The following PHEX variants were observed in gnomAD, a reference collection of about 807,000 sequenced individuals.
PHEX encodes the protein phosphate-regulating neutral endopeptidase PHEX.
In PHEX, 16 loss-of-function variants were observed where a neutral mutation model predicts 68.0. That is an observed-to-expected ratio of 0.24 (90% CI 0.16 to 0.36). PHEX has a LOEUF of 0.36. Ranked by LOEUF, PHEX falls within the 10% of genes least tolerant of loss-of-function variation. PHEX has a pLI of 1.00. For synonymous variants in PHEX, 208 were observed against 205.1 expected (o/e 1.01, Z -0.12); for missense variants, 480 against 575.5 (o/e 0.83, Z 1.70).
At chrX:22,119,234 C>A (rs958870288) in intron 11 of PHEX, among the ~76,000 whole-genome samples, 4 of 112,227 alleles carry the variant, frequency 3.6e-5, no homozygotes, top group African/African-American at 1.3e-4. Flanking sequence ...ACCTCCCTTT[C>A]TTCCCCCATT....
chrX:22,077,281 T>G (rs1436932939), intron 4 of PHEX, among the ~76,000 whole-genome samples, 195 bp from the exon 5 acceptor site: 2 of 111,579 alleles, frequency 1.8e-5, no homozygotes, highest in East Asian at 5.7e-4. Context: ...GACAGTCACA[T>G]TGAAGCGTGG....
intron 20 of PHEX, among the ~76,000 whole-genome samples, chrX:22,239,704 A>T (rs1244561843): frequency 1.8e-5 from 2 of 111,332 alleles, no homozygotes; most frequent in African/African-American, 6.5e-5. Flanking sequence ...AAGAGTTAAA[A>T]GAAATGAACA....
intron 2 of PHEX, among the ~76,000 whole-genome samples, chrX:22,045,158 A>C (rs1181631155): frequency 9.0e-6 from 1 of 111,425 alleles, no homozygotes; most frequent in Non-Finnish European, 1.9e-5. Flanking sequence ...TTTTGTAGAA[A>C]GTCTAGGCTG....
intron 3 of PHEX, among the ~76,000 whole-genome samples, chrX:22,057,378 C>A (rs893073413): frequency 1.9e-4 from 21 of 111,080 alleles, no homozygotes; most frequent in South Asian, 3.9e-4. Flanking sequence ...TCAAGGTGGG[C>A]AGATCACTTG....
At chrX:22,131,169 A>C (rs1448984459) in intron 11 of PHEX, among the ~76,000 whole-genome samples, 2 of 109,888 alleles carry the variant, frequency 1.8e-5, no homozygotes, top group African/African-American at 6.6e-5. Flanking sequence ...CCTCCTGAGT[A>C]GCTGGGATTA....
chrX:22,230,340 A>G (rs1429874953), intron 20 of PHEX, among the ~76,000 whole-genome samples: 1 of 101,317 alleles, frequency 9.9e-6, no homozygotes. Context: ...GGGGATAGCA[A>G]TGAATCTCTC....
At chrX:22,236,455 A>G (rs1935983456) in intron 20 of PHEX, among the ~76,000 whole-genome samples, 1 of 112,941 alleles carries the variant, frequency 8.9e-6, no homozygotes, top group South Asian at 3.6e-4. Context: ...TTTTAGATCA[A>G]TTGCTTGAAA....
At chrX:22,228,324 G>A (rs1246314294) in intron 20 of PHEX, among the ~76,000 whole-genome samples, 2 of 111,498 alleles carry the variant, frequency 1.8e-5, no homozygotes, top group Non-Finnish European at 3.8e-5. Flanking sequence ...TGGCCTCACC[G>A]TGGGCAAATG....
chrX:22,118,724 T>G (rs1481769985), intron 11 of PHEX, among the ~76,000 whole-genome samples: 1 of 111,070 alleles, frequency 9.0e-6, no homozygotes, highest in Non-Finnish European at 1.9e-5. Flanking sequence ...CTATCAGTGT[T>G]CTCCTCCTTT....
At chrX:22,218,306 T>A (rs1005113128) in intron 16 of PHEX, among the ~76,000 whole-genome samples, 13 of 111,193 alleles carry the variant, frequency 1.2e-4, no homozygotes, top group African/African-American at 4.3e-4. Context: ...TCATAGCAAG[T>A]CCCAAGGCCA....
chrX:22,230,450 C>T (rs942908973), intron 20 of PHEX, among the ~76,000 whole-genome samples: 50 of 88,244 alleles, frequency 5.7e-4, no homozygotes, highest in African/African-American at 2.1e-3. Context: ...TCTCTTATTT[C>T]CTTGAGCAGT....
chrX:22,184,909 A>T (rs1230179718), intron 14 of PHEX, among the ~76,000 whole-genome samples: 1 of 112,401 alleles, frequency 8.9e-6, no homozygotes, highest in Non-Finnish European at 1.9e-5. Flanking sequence ...GAGTGATATA[A>T]TCTGCAGGAT....
At chrX:22,109,377 ATTT>A (rs1817075401) in intron 9 of PHEX, among the ~76,000 whole-genome samples, 1 of 112,359 alleles carries the variant, frequency 8.9e-6, no homozygotes, top group Admixed American at 9.4e-5. Context: ...ACTTTTGAAG[ATTT>A]TAAATTTCAT....
rs148683498 is a variant in PHEX at position 22,054,319 on chromosome X, G to A, written c.349+7108G>A. Among the ~76,000 whole-genome samples, 508 of 110,885 alleles carry A rather than the reference G, an allele frequency of 4.6e-3. 2 individuals carry two copies. The highest frequency in any genetic ancestry group is 0.016 in the African/African-American group (475 of 30,475). On this transcript the variant is annotated intron_variant, in intron 3 of 21. Coordinates refer to ENST00000379374, the MANE Select transcript of PHEX (RefSeq NM_000444.6). ...CCAGCTAATTTTTGTATTTTTAGTA[G>A]AGACAGAGTTTCCTCATGTCGGCCA...
At chrX:22,176,289 A>G (rs1289232595) in intron 13 of PHEX, among the ~76,000 whole-genome samples, 1 of 106,393 alleles carries the variant, frequency 9.4e-6, no homozygotes, top group Admixed American at 1.0e-4. Context: ...CGGGAGGCTG[A>G]GGCACAAGAA....
chrX:22,182,188 G>T (rs1046753569), intron 14 of PHEX, among the ~76,000 whole-genome samples: 3 of 111,919 alleles, frequency 2.7e-5, no homozygotes, highest in Admixed American at 9.5e-5. Flanking sequence ...TCCCCATTCA[G>T]TGTGATACTA....
chrX:22,173,281 CTG>C (rs1933599908), intron 13 of PHEX, among the ~76,000 whole-genome samples: 2 of 111,440 alleles, frequency 1.8e-5, no homozygotes, highest in Admixed American at 9.5e-5. Flanking sequence ...AGCCAGGCCT[CTG>C]TAACTCTCTC....
intron 6 of PHEX, among the ~76,000 whole-genome samples, chrX:22,093,146 A>T (rs1427917822): frequency 1.8e-5 from 2 of 112,444 alleles, no homozygotes; most frequent in African/African-American, 6.5e-5. Flanking sequence ...AAGGTCATAC[A>T]TATAGTAAGA....
intron 7 of PHEX, among the ~76,000 whole-genome samples, chrX:22,094,633 C>T (rs766523202): frequency 7.1e-5 from 8 of 112,061 alleles, no homozygotes; most frequent in South Asian, 7.4e-4. Context: ...CATTTTTAAA[C>T]GACCTTTCTG....
Sources: gnomAD v4.1 joint callset for allele counts (sites outside exome capture counted in the v4.1 genomes callset) on GRCh38, gnomAD v4.1.1 for gene constraint, MANE v1.5 for transcripts, NCBI Gene and HGNC (gene_info 2026-07-23, HGNC 2026-07-21) for gene names.